SNX25: variants seen among roughly 807,000 people sequenced by gnomAD.
SNX25 encodes the protein sorting nexin 25.
SNX25 carries 62 observed loss-of-function variants against 113.7 expected under a neutral mutation model. That is an observed-to-expected ratio of 0.55 (90% CI 0.44 to 0.67). The LOEUF is 0.67. Among genes scored for constraint, SNX25 ranks in the 30% least tolerant of loss-of-function variants. SNX25 has a pLI of 0.00. For missense variants in SNX25, 1,014 were observed against 1,161.0 expected, an observed-to-expected ratio of 0.87 and a Z score of 1.84; for synonymous variants, 421 against 436.2, an observed-to-expected ratio of 0.97 and a Z score of 0.43.
intron 1 of SNX25, among the ~76,000 whole-genome samples, chr4:185,244,203 G>A (rs1744502400): frequency 6.6e-6 from 1 of 152,192 alleles, no homozygotes; most frequent in South Asian, 2.1e-4. Context: ...ATGTTAGCCA[G>A]GCTGGCCTCA....
intron 6 of SNX25, among the ~76,000 whole-genome samples, chr4:185,309,912 A>G (rs1001850907): frequency 6.6e-6 from 1 of 152,212 alleles, no homozygotes; most frequent in African/African-American, 2.4e-5. Flanking sequence ...TGTGCACCTC[A>G]TGGCTTCTGC....
intron 6 of SNX25, among the ~76,000 whole-genome samples, chr4:185,301,260 CTAA>C (rs1391381951): frequency 1.3e-5 from 2 of 152,178 alleles, no homozygotes; most frequent in African/African-American, 4.8e-5. Context: ...CATAAAAGGC[CTAA>C]TGACAGTATT....
rs144148750 is a variant in SNX25, at chr4:185,239,204, A to G, written c.430-8090A>G. On this transcript the variant is annotated intron_variant, in intron 1 of 18. Transcript: ENST00000652585. Reference sequence around the variant, plus strand: ...ATATATTAGAGAAAAGTTTTCTGCCAGGCGCGGTGGCTCACACCTGTAATC... The same window carrying G: ...ATATATTAGAGAAAAGTTTTCTGCCGGGCGCGGTGGCTCACACCTGTAATC... Among the ~76,000 whole-genome samples, 1,361 of 152,258 alleles carry G rather than the reference A, an allele frequency of 8.9e-3. 6 individuals carry two copies. Among genetic ancestry groups the G allele is most frequent in the East Asian group, 0.016 (85 of 5,186 alleles).
At chr4:185,310,409 C>T (rs935551777) in intron 6 of SNX25, among the ~76,000 whole-genome samples, 1 of 147,908 alleles carries the variant, frequency 6.8e-6, no homozygotes, top group Non-Finnish European at 1.5e-5. Flanking sequence ...AATGTTTTAC[C>T]TTTGGGTAAG....
At chr4:185,273,190 GGC>G (rs1274539993) in intron 5 of SNX25, among the ~76,000 whole-genome samples, 2 of 152,148 alleles carry the variant, frequency 1.3e-5, no homozygotes, top group East Asian at 3.8e-4. Context: ...AAATAATGAT[GGC>G]ATCCAAAGTA....
chr4:185,356,147 G>A (rs187185643), intron 15 of SNX25, among the ~76,000 whole-genome samples: 19 of 130,578 alleles, frequency 1.5e-4, no homozygotes, highest in African/African-American at 4.7e-4. Flanking sequence ...TGGGGCTCGC[G>A]TGTGTGTGTG....
upstream of SNX25, among the ~76,000 whole-genome samples, chr4:185,204,974 G>T (rs1737121631): frequency 6.6e-6 from 1 of 152,206 alleles, no homozygotes; most frequent in Admixed American, 6.5e-5. Context: ...TAGCAGCAAT[G>T]GTATACAATC....
chr4:185,270,401 G>A (rs922756893), intron 5 of SNX25, among the ~76,000 whole-genome samples: 14 of 152,198 alleles, frequency 9.2e-5, no homozygotes, highest in Non-Finnish European at 1.8e-4. Context: ...TCCTCTTGAC[G>A]TCATAAATAG....
At chr4:185,353,629 G>A (rs202065893) in intron 15 of SNX25, 27 bp downstream of exon 15, 10 of 1,536,464 alleles carry the variant, frequency 6.5e-6, no homozygotes, top group Non-Finnish European at 8.1e-6. Context: ...TTATTTAGTG[G>A]TATTTGCTAG....
intron 16 of SNX25, among the ~76,000 whole-genome samples, chr4:185,360,462 G>C (rs115196997): frequency 3.3e-5 from 5 of 152,220 alleles, no homozygotes; most frequent in African/African-American, 7.2e-5. Flanking sequence ...TTCTTAAAAG[G>C]CTTTTTAATA....
intron 6 of SNX25, among the ~76,000 whole-genome samples, chr4:185,310,430 G>GCT (rs10655964): frequency 0.34 from 50,447 of 149,568 alleles, 9,045 homozygotes; most frequent in East Asian, 0.49. Context: ...ATTTGTCAGT[G>GCT]GTATATTTAG....
intron 1 of SNX25, among the ~76,000 whole-genome samples, chr4:185,222,002 A>G: frequency 6.8e-6 from 1 of 147,114 alleles, no homozygotes; most frequent in Non-Finnish European, 1.5e-5. Context: ...CCTTCATGGT[A>G]GATATATAGC....
At chr4:185,246,052 C>T (rs768990583) in intron 1 of SNX25, among the ~76,000 whole-genome samples, 1 of 152,130 alleles carries the variant, frequency 6.6e-6, no homozygotes, top group Non-Finnish European at 1.5e-5. Flanking sequence ...TTTGGGAGGC[C>T]GAGGCAGGTG....
intron 2 of SNX25, among the ~76,000 whole-genome samples, chr4:185,251,076 C>T (rs1170393454): frequency 1.3e-5 from 2 of 151,822 alleles, no homozygotes; most frequent in South Asian, 2.1e-4. Flanking sequence ...CTCACTGCAA[C>T]CTCTGCCTCC....
At chr4:185,224,903 A>G (rs1188839252) in intron 1 of SNX25, among the ~76,000 whole-genome samples, 1 of 151,468 alleles carries the variant, frequency 6.6e-6, no homozygotes, top group African/African-American at 2.4e-5. Flanking sequence ...TTATATCTGG[A>G]ATTAACCATT....
intron 6 of SNX25, among the ~76,000 whole-genome samples, chr4:185,308,724 C>A (rs1288001502): frequency 6.6e-6 from 1 of 152,160 alleles, no homozygotes; most frequent in African/African-American, 2.4e-5. Context: ...TATTTACGAT[C>A]TCCCTTGTCA....
At chr4:185,313,897 A>G (rs533725636) in intron 7 of SNX25, among the ~76,000 whole-genome samples, 16 of 152,350 alleles carry the variant, frequency 1.1e-4, no homozygotes, top group African/African-American at 3.8e-4. Context: ...AAAGTAGGCT[A>G]TAAAGACAAA....
intron 1 of SNX25, among the ~76,000 whole-genome samples, chr4:185,241,613 A>G (rs1235298574): frequency 6.8e-6 from 1 of 147,122 alleles, no homozygotes; most frequent in African/African-American, 2.5e-5. Context: ...TTTTTTTTAC[A>G]GGATAGCGGT....
At chr4:185,268,757 G>A (rs544222134) in intron 5 of SNX25, among the ~76,000 whole-genome samples, 58 of 152,244 alleles carry the variant, frequency 3.8e-4, no homozygotes, top group Non-Finnish European at 7.1e-4. Flanking sequence ...GACGTAGATG[G>A]CACTGTGTTC....
Sources: allele counts gnomAD v4.1 joint callset (sites outside exome capture counted in the v4.1 genomes callset), GRCh38; gene constraint gnomAD v4.1.1; transcripts MANE v1.5; gene names NCBI Gene and HGNC (gene_info 2026-07-23, HGNC 2026-07-21).